Variants in APLP1 observed in about 807,000 individuals in gnomAD.
The protein encoded by APLP1 is amyloid beta precursor like protein 1, also known as amyloid beta (A4) precursor-like protein 1.
A neutral mutation model predicts 84.5 loss-of-function variants in APLP1; 46 were observed. The observed-to-expected ratio is 0.54, with a 90% CI of 0.43 to 0.70. APLP1 has a LOEUF of 0.70. Ranked by LOEUF, APLP1 falls within the 30% of genes least tolerant of loss-of-function variation. APLP1 has a pLI of 0.00. For synonymous variants in APLP1, 376 were observed against 364.0 expected (o/e 1.03, Z -0.38); for missense variants, 826 against 900.2 (o/e 0.92, Z 1.05).
chr19:35,878,338 G>A (rs1034329862), intron 13 of APLP1, among the ~76,000 whole-genome samples: 2 of 152,094 alleles, frequency 1.3e-5, no homozygotes, highest in Admixed American at 6.6e-5. Flanking sequence ...TTGAGGCCAC[G>A]AGTTCTAGAC....
intron 10 of APLP1, among the ~76,000 whole-genome samples, chr19:35,875,254 TG>T (rs1974256156): frequency 1.3e-5 from 2 of 148,726 alleles, no homozygotes; most frequent in South Asian, 4.4e-4. Flanking sequence ...TTCCACCTCC[TG>T]GGTTCAAGCA....
At chr19:35,869,881 G>T in intron 2 of APLP1, 71 bp downstream of exon 2, 14 of 1,525,270 alleles carry the variant, frequency 9.2e-6, no homozygotes, top group Non-Finnish European at 1.2e-5. Flanking sequence ...GTGGTCCAGG[G>T]TGCTGCGCGA....
Position 35,870,882 on chromosome 19 carries a change from T to C in APLP1, c.292-14T>C. The C allele has an allele frequency of 6.2e-7, 1 of 1,601,720 alleles. No homozygotes were observed. The highest frequency in any genetic ancestry group is 8.5e-7 in the Non-Finnish European group (1 of 1,175,232). ...CGGGGCAGTGGGCTGATTGCCCCCA[T>C]CTGATCCCCCCAGATGTACCCGGAG... On this transcript the variant is annotated splice_polypyrimidine_tract_variant and intron_variant, in intron 2 of 16. Transcript: ENST00000221891.
rs529685079 is a variant in APLP1 at position 35,874,198 on chromosome 19, T to A, written c.1057-306T>A. The stretch of plus-strand genomic sequence containing the variant: ...ACACAGCCTGTCTCCAGTTTGACCC[T>A]GCCCAGGCCAGGAGCCCTGCAAGGC... On this transcript the variant is annotated intron_variant, in intron 8 of 16. Transcript: ENST00000221891. This position sits in a 1 kb window ranked among gnomAD's most constrained non-coding sequence, Gnocchi z 6.4. 2.6e-5 allele frequency among the ~76,000 whole-genome samples: 4 copies of A among 152,352 alleles called. No individual in the cohort carries two copies. Among genetic ancestry groups the A allele is most frequent in the South Asian group, 2.1e-4 (1 of 4,830 alleles).
In APLP1 at chr19:35,868,689, C is replaced by CGCCGCT. The variant is rs1212056013; in HGVS notation, c.62_67dup (p.Pro21_Leu22dup). ...GGTCTAAGTCGCCGCCCGGGCCAGC[C>CGCCGCT]GCCGCTGCCGCTGCTGCTGCCACTA... On this transcript the variant is annotated inframe_insertion, in exon 1 of 17. Transcript: ENST00000221891. This position sits in a 1 kb window ranked among gnomAD's most constrained non-coding sequence, Gnocchi z 5.2. 9 of 1,411,738 alleles carry CGCCGCT rather than the reference C, an allele frequency of 6.4e-6. No individual in the cohort carries two copies. Among genetic ancestry groups the CGCCGCT allele is most frequent in the East Asian group, 6.1e-5 (2 of 32,618 alleles). The allele number at this position is 1,411,738 out of a possible 1,614,324, so 87.5% of individuals were successfully genotyped here. A position where few individuals can be genotyped will look rare whatever the true frequency, so the allele number is the denominator to read the frequency against.
At chr19:35,876,435 G>T in intron 10 of APLP1, 82 bp from the exon 11 acceptor site, 2 of 1,239,456 alleles carry the variant, frequency 1.6e-6, no homozygotes, top group South Asian at 1.2e-5. Context: ...AGTCGCTATT[G>T]AATTCCTCCT....
intron 11 of APLP1, among the ~76,000 whole-genome samples, chr19:35,876,865 G>C (rs1237654249): frequency 6.6e-6 from 1 of 152,174 alleles, no homozygotes; most frequent in African/African-American, 2.4e-5. Flanking sequence ...TCATCTAGGG[G>C]CTGGGAGTCT....
intron 1 of APLP1, 158 bp from the exon 2 acceptor site, chr19:35,869,509 G>T: frequency 9.6e-7 from 1 of 1,039,008 alleles, no homozygotes; most frequent in Non-Finnish European, 1.4e-6. Flanking sequence ...CCGCCCTACG[G>T]GAGCTGTTTC....
intron 10 of APLP1, among the ~76,000 whole-genome samples, chr19:35,875,307 G>A (rs1186679729): frequency 6.6e-6 from 1 of 150,592 alleles, no homozygotes; most frequent in Non-Finnish European, 1.5e-5. Context: ...GATTACAGGA[G>A]CCTGCCACCA....
chr19:35,878,511 A>G, intron 13 of APLP1, 73 bp from the exon 14 acceptor site: 2 of 1,504,602 alleles, frequency 1.3e-6, no homozygotes, highest in Non-Finnish European at 1.8e-6. Flanking sequence ...ATGCCACTGC[A>G]CTCCAGCCTG....
chr19:35,877,625 T>C, intron 11 of APLP1, 93 bp from the exon 12 acceptor site: 1 of 789,828 alleles, frequency 1.3e-6, no homozygotes. Context: ...GACTCTGCTG[T>C]CTGCATGATC....
chr19:35,876,722 C>A, intron 11 of APLP1, 106 bp downstream of exon 11: 3 of 873,798 alleles, frequency 3.4e-6, no homozygotes, highest in Non-Finnish European at 3.4e-6. Context: ...AACAAACAGC[C>A]CAGACCTTAG....
Position 35,871,020 on chromosome 19 carries a change from G to A in APLP1, c.416G>A (p.Arg139His), listed in dbSNP as rs775672735. 7.2e-6 allele frequency: 11 copies of A among 1,530,726 alleles called. No homozygotes were observed. The highest frequency in any genetic ancestry group is 2.1e-5 in the Admixed American group (1 of 47,856). The allele number at this position is 1,530,726 out of a possible 1,614,324, so 94.8% of individuals were successfully genotyped here. Residue 139 changes from arginine (R) to histidine (H), a missense_variant, in exon 3 of 17, where the codon CGC (arginine) becomes CAC (histidine). By Grantham distance (29) the Arg-to-His change is conservative. Transcript: ENST00000221891. The part of the protein sequence containing the change: ...AHPHHQVVPF[R>H]CLPGEFVSEA... The stretch of plus-strand genomic sequence containing the variant: ...CCCCACCACCAGGTTGTGCCCTTCC[G>A]CTGCCTGCGTGAGTCCCAGGCGGGG...
intron 12 of APLP1, 28 bp from the exon 13 acceptor site, chr19:35,878,052 TTC>T (rs1158706121): frequency 6.2e-7 from 1 of 1,610,094 alleles, no homozygotes; most frequent in East Asian, 2.2e-5. Context: ...CTCTTCACTG[TTC>T]CACTCCCTTG....
Position 35,874,464 on chromosome 19 carries a change from A to G in APLP1, c.1057-40A>G, listed in dbSNP as rs764852931. 1.9e-6 allele frequency: 3 copies of G among 1,609,656 alleles called. No individual in the cohort carries two copies. The highest frequency in any genetic ancestry group is 2.5e-6 in the Non-Finnish European group (3 of 1,176,756). On this transcript the variant is annotated intron_variant, in intron 8 of 16. Transcript: ENST00000221891. This position sits in a 1 kb window ranked among gnomAD's most constrained non-coding sequence, Gnocchi z 6.4. The stretch of plus-strand genomic sequence containing the variant: ...GCTCTCTTTGACCAGGCTTTGACCC[A>G]TCTTCTCCTCTCCTGACCCTGTGCC...
Position 35,871,300 on chromosome 19 carries a change from G to C in APLP1, c.488G>C (p.Arg163Pro). Residue 163 changes from arginine (R) to proline (P), a missense_variant, in exon 4 of 17, where the codon CGC becomes CCC. Arg to Pro is a moderately radical substitution (Grantham distance 103). This residue lies in a region of APLP1 where 383 missense variants were observed against 378.3 expected (regional missense o/e 1.01). Coordinates refer to ENST00000221891, the MANE Select transcript of APLP1 (RefSeq NM_001024807.3). The part of the protein sequence containing the change: ...PEGCRFLHQE[R>P]MDQCESSTRR... ...GGCTGCCGGTTCTTGCACCAGGAGC[G>C]CATGGACCAATGTGAGAGTTCAACC... is the stretch of plus-strand genomic sequence containing the variant. 1 of 1,613,206 alleles carries C rather than the reference G, an allele frequency of 6.2e-7. No homozygotes were observed. The highest frequency in any genetic ancestry group is 8.5e-7 in the Non-Finnish European group (1 of 1,179,684).
At chr19:35,877,507 A>C (rs77947029) in intron 11 of APLP1, among the ~76,000 whole-genome samples, 14,196 of 150,448 alleles carry the variant, frequency 0.094, 1,459 homozygotes, top group African/African-American at 0.26. Context: ...AAAAACAAAA[A>C]AAAAACATAA....
At position 35,868,970 on chromosome 19, in the gene APLP1, C is replaced by G. The variant is rs1326509655; in HGVS notation, c.147+187C>G. ...GCTCCCCCATCATGCGACGTCCCAGCCCCCTCCCATCTCGAGCATAGGAAC... is the reference window on the plus strand; with the variant it reads ...GCTCCCCCATCATGCGACGTCCCAGGCCCCTCCCATCTCGAGCATAGGAAC... On this transcript the variant is annotated intron_variant, in intron 1 of 16. Transcript: ENST00000221891. This position sits in a 1 kb window ranked among gnomAD's most constrained non-coding sequence, Gnocchi z 5.2. The G allele has an allele frequency of 1.2e-5, 5 of 404,586 alleles. No homozygotes were observed. 25.1% of individuals were successfully genotyped at this position (404,586 alleles called of 1,614,324 possible).
chr19:35,870,889 C>T lies in APLP1; in HGVS notation c.292-7C>T. On this transcript the variant is annotated splice_polypyrimidine_tract_variant and splice_region_variant and intron_variant, in intron 2 of 16. Coordinates refer to ENST00000221891, the MANE Select transcript of APLP1 (RefSeq NM_001024807.3). ...GTGGGCTGATTGCCCCCATCTGATC[C>T]CCCCAGATGTACCCGGAGCTGCAGA... 1 of 1,603,302 alleles carries T rather than the reference C, an allele frequency of 6.2e-7. No homozygotes were observed. Among genetic ancestry groups the T allele is most frequent in the Non-Finnish European group, 8.5e-7 (1 of 1,175,954 alleles).
Sources: gnomAD v4.1 joint callset for allele counts (sites outside exome capture counted in the v4.1 genomes callset) on GRCh38, gnomAD v4.1.1 for gene constraint, gnomAD v4.1.1 regional missense constraint, Gnocchi (gnomAD v3.1) non-coding constraint, MANE v1.5 for transcripts, NCBI Gene and HGNC (gene_info 2026-07-23, HGNC 2026-07-21) for gene names.